Variants in MINPP1 observed in about 807,000 individuals in gnomAD.
MINPP1 encodes multiple inositol-polyphosphate phosphatase 1.
A neutral mutation model predicts 46.1 loss-of-function variants in MINPP1; 28 were observed. The observed-to-expected ratio is 0.61, with a 90% CI of 0.45 to 0.83. The LOEUF (loss-of-function observed/expected upper bound fraction) is 0.83, where lower values mean the gene tolerates loss of function less well. MINPP1 is among the 40% of genes least tolerant of loss of function. The pLI is 0.00. For missense variants in MINPP1, 603 were observed against 610.0 expected (o/e 0.99, Z 0.12); for synonymous variants, 268 against 249.1 (o/e 1.08, Z -0.72).
At chr10:87,542,961 TG>T (rs1294800233) in intron 4 of MINPP1, among the ~76,000 whole-genome samples, 2 of 152,170 alleles carry the variant, frequency 1.3e-5, no homozygotes, top group African/African-American at 2.4e-5. Context: ...AAGAAAAATT[TG>T]GAACTTCTGA....
intron 2 of MINPP1, 24 bp from the exon 3 acceptor site, chr10:87,513,100 A>G: frequency 6.3e-7 from 1 of 1,589,466 alleles, no homozygotes; most frequent in Non-Finnish European, 8.6e-7. Context: ...TGACCCACAA[A>G]ATTTTACCTT....
Position 87,505,153 on chromosome 10 carries a change from C to G in MINPP1, c.238C>G (p.Pro80Ala). ...TGAGCTGCTGGAGGGGACCTGCACCCCGGTGCAGCTGGTCGCCCTCATTCG... is the reference window on the plus strand; with the variant it reads ...TGAGCTGCTGGAGGGGACCTGCACCGCGGTGCAGCTGGTCGCCCTCATTCG... ...DPELLEGTCT[P>A]VQLVALIRHG... Residue 80 changes from proline (P) to alanine (A), a missense_variant, in exon 1 of 5, where the codon CCG (proline) becomes GCG (alanine). This residue lies in a region of MINPP1 where 239 missense variants were observed against 189.4 expected (regional missense o/e 1.26). Coordinates refer to ENST00000371996, the MANE Select transcript of MINPP1 (RefSeq NM_004897.5). The surrounding 1 kb of genome is among the most constrained non-coding windows in gnomAD (Gnocchi z 4.4). The G allele has an allele frequency of 6.2e-7, 1 of 1,610,814 alleles. No homozygotes were observed. Among genetic ancestry groups the G allele is most frequent in the Non-Finnish European group, 8.5e-7 (1 of 1,178,760 alleles).
intron 3 of MINPP1, 126 bp from the exon 4 acceptor site, chr10:87,520,910 A>C: frequency 1.8e-6 from 1 of 562,714 alleles, no homozygotes; most frequent in Non-Finnish European, 3.2e-6. Flanking sequence ...TGGAAAGGAC[A>C]AATACTATAT....
intron 4 of MINPP1, among the ~76,000 whole-genome samples, chr10:87,537,909 A>G (rs1277223221): frequency 2.6e-5 from 4 of 151,960 alleles, no homozygotes; most frequent in South Asian, 2.1e-4. Context: ...AGCTGCGACT[A>G]CATGCATATA....
intron 4 of MINPP1, among the ~76,000 whole-genome samples, chr10:87,528,816 G>C (rs943231718): frequency 6.6e-6 from 1 of 152,172 alleles, no homozygotes; most frequent in Non-Finnish European, 1.5e-5. Context: ...GGGTGTTAAA[G>C]TCTCCCGTTA....
intron 4 of MINPP1, among the ~76,000 whole-genome samples, chr10:87,537,010 C>T (rs552547221): frequency 2.2e-4 from 34 of 152,158 alleles, no homozygotes; most frequent in African/African-American, 8.2e-4. Context: ...GATCTTGGCT[C>T]ACTTCAGCCT....
intron 4 of MINPP1, among the ~76,000 whole-genome samples, chr10:87,522,383 T>A (rs1851514705): frequency 6.6e-6 from 1 of 152,110 alleles, no homozygotes; most frequent in Non-Finnish European, 1.5e-5. Context: ...TGTCATAGGG[T>A]CATTATTTTT....
intron 4 of MINPP1, among the ~76,000 whole-genome samples, chr10:87,533,307 C>T (rs906899835): frequency 1.3e-5 from 2 of 151,946 alleles, no homozygotes; most frequent in Non-Finnish European, 2.9e-5. Context: ...TTAAATATAA[C>T]CGGCCCTTGA....
chr10:87,514,305 A>G (rs1280360067), intron 3 of MINPP1, among the ~76,000 whole-genome samples: 1 of 152,248 alleles, frequency 6.6e-6, no homozygotes, highest in Non-Finnish European at 1.5e-5. Context: ...GTATAACCAC[A>G]ATACAGAATA....
chr10:87,534,135 C>T (rs776945985), intron 4 of MINPP1, among the ~76,000 whole-genome samples: 17 of 146,894 alleles, frequency 1.2e-4, no homozygotes, highest in Non-Finnish European at 3.0e-5. Flanking sequence ...TCACTGCAAC[C>T]TCTACCTCCC....
chr10:87,541,927 G>A (rs1008678140), intron 4 of MINPP1, among the ~76,000 whole-genome samples: 3 of 152,104 alleles, frequency 2.0e-5, no homozygotes, highest in Non-Finnish European at 4.4e-5. Context: ...TGGGAATCAC[G>A]TTTCAACATG....
At chr10:87,543,654 T>C (rs1019056540) in intron 4 of MINPP1, among the ~76,000 whole-genome samples, 4 of 152,196 alleles carry the variant, frequency 2.6e-5, no homozygotes, top group Non-Finnish European at 5.9e-5. Flanking sequence ...TTATAAGACA[T>C]ATTAAAAGAA....
intron 2 of MINPP1, among the ~76,000 whole-genome samples, chr10:87,512,590 G>A (rs566755171): frequency 3.9e-5 from 6 of 152,154 alleles, no homozygotes; most frequent in Admixed American, 1.3e-4. Context: ...TTTTCAAGTC[G>A]GGTACTAAAA....
At chr10:87,507,619 A>G (rs1792521582) in intron 1 of MINPP1, among the ~76,000 whole-genome samples, 2 of 152,328 alleles carry the variant, frequency 1.3e-5, no homozygotes, top group South Asian at 4.1e-4. Context: ...TGATTGAAAA[A>G]TGTGTGTTTT....
In MINPP1 at chr10:87,534,362, C is replaced by T. The variant is rs561505709; in HGVS notation, c.1067+13193C>T. On this transcript the variant is annotated intron_variant, in intron 4 of 4. Transcript: ENST00000371996. ...ACAGGGGTGAGCCACAGTGCCCGGC[C>T]ACATACTGGCTAAATATTAATAAGT... Among the ~76,000 whole-genome samples, 8 of 152,152 alleles carry T rather than the reference C, an allele frequency of 5.3e-5. No individual in the cohort carries two copies. In the East Asian group the frequency reaches 1.5e-3, roughly 29 times the overall value.
intron 4 of MINPP1, among the ~76,000 whole-genome samples, chr10:87,527,791 C>T (rs1469913832): frequency 1.3e-5 from 2 of 152,156 alleles, no homozygotes; most frequent in African/African-American, 2.4e-5. Context: ...GGTACCAGCT[C>T]GTCTTTGTAC....
At position 87,505,962 on chromosome 10, in the gene MINPP1, A is replaced by C. The variant is rs900468965; in HGVS notation, c.637+410A>C. The stretch of plus-strand genomic sequence containing the variant: ...CACAATTGGGCGCACGTTTTAAAAA[A>C]CAGAATCTAGAATTTTCTTCCTCGG... On this transcript the variant is annotated intron_variant, in intron 1 of 4. Coordinates refer to ENST00000371996, the MANE Select transcript of MINPP1 (RefSeq NM_004897.5). The surrounding 1 kb of genome is among the most constrained non-coding windows in gnomAD (Gnocchi z 4.4). Among the ~76,000 whole-genome samples the C allele has an allele frequency of 6.6e-6, 1 of 151,132 alleles. No homozygotes were observed. The highest frequency in any genetic ancestry group is 2.4e-5 in the African/African-American group (1 of 41,058).
At chr10:87,510,491 A>G (rs375728322) in intron 2 of MINPP1, among the ~76,000 whole-genome samples, 5 of 152,378 alleles carry the variant, frequency 3.3e-5, no homozygotes, top group East Asian at 3.9e-4. Context: ...AATTCTTTTT[A>G]TAGAAACCAT....
intron 2 of MINPP1, among the ~76,000 whole-genome samples, chr10:87,511,949 TG>T (rs774341128): frequency 6.6e-6 from 1 of 152,236 alleles, no homozygotes; most frequent in African/African-American, 2.4e-5. Context: ...ACATTTTTTT[TG>T]TATTATATAC....
Sources: allele counts gnomAD v4.1 joint callset (sites outside exome capture counted in the v4.1 genomes callset), GRCh38; gene constraint gnomAD v4.1.1; regional missense constraint gnomAD v4.1.1; non-coding constraint Gnocchi (gnomAD v3.1); transcripts MANE v1.5; gene names NCBI Gene and HGNC (gene_info 2026-07-23, HGNC 2026-07-21).